The following C12orf42 variants were observed in gnomAD, a reference collection of about 807,000 sequenced individuals.
C12orf42 encodes the protein chromosome 12 open reading frame 42.
In C12orf42, 25 loss-of-function variants were observed where a neutral mutation model predicts 21.6. The ratio of observed to expected loss-of-function variants is 1.16; its 90% confidence interval spans 0.84 to 1.62. The LOEUF is 1.62. Among genes scored for constraint, C12orf42 ranks in the 40% most tolerant of loss-of-function variants. The pLI is 0.00. For missense variants in C12orf42, 483 were observed against 459.3 expected (o/e 1.05, Z -0.47); for synonymous variants, 174 against 175.0 (o/e 0.99, Z 0.05).
At chr12:103,425,165 A>G (rs1466708587) in intron 2 of C12orf42, among the ~76,000 whole-genome samples, 1 of 152,204 alleles carries the variant, frequency 6.6e-6, no homozygotes, top group Non-Finnish European at 1.5e-5. Flanking sequence ...GGAATCTCTG[A>G]AAGAAAGGCA....
At chr12:103,470,600 T>G (rs1298409657) in intron 2 of C12orf42, among the ~76,000 whole-genome samples, 65 of 152,212 alleles carry the variant, frequency 4.3e-4, no homozygotes, top group Non-Finnish European at 1.6e-4. Flanking sequence ...TGGGCAGGTT[T>G]GTGACTGCTT....
chr12:103,332,147 A>C (rs2137067347), intron 4 of C12orf42, among the ~76,000 whole-genome samples: 1 of 152,324 alleles, frequency 6.6e-6, no homozygotes, highest in East Asian at 1.9e-4. Context: ...CACAATGGGG[A>C]GTGACTGTTC....
At chr12:103,557,008 C>T in the C12orf42 span, among the ~76,000 whole-genome samples, 2 of 151,506 alleles carry the variant, frequency 1.3e-5, no homozygotes, top group African/African-American at 4.9e-5. Flanking sequence ...TGTGGCCCTG[C>T]CAACACCTTG....
intron 2 of C12orf42, among the ~76,000 whole-genome samples, chr12:103,445,595 A>C (rs1439640470): frequency 6.6e-6 from 1 of 151,642 alleles, no homozygotes; most frequent in African/African-American, 2.4e-5. Context: ...GTCCTTTCTC[A>C]TTTTCCTGTT....
At chr12:103,313,174 G>A (rs956796969) in intron 4 of C12orf42, among the ~76,000 whole-genome samples, 8 of 152,140 alleles carry the variant, frequency 5.3e-5, no homozygotes, top group African/African-American at 1.7e-4. Context: ...TTTCTCTCTA[G>A]GCACAAATGA....
chr12:103,079,146 G>A, the C12orf42 span, among the ~76,000 whole-genome samples: 1 of 152,026 alleles, frequency 6.6e-6, no homozygotes, highest in Non-Finnish European at 1.5e-5. Context: ...ATATCAAAAA[G>A]TTTAAAAATT....
the C12orf42 span, among the ~76,000 whole-genome samples, chr12:103,180,975 G>A: frequency 3.2e-4 from 48 of 152,076 alleles, no homozygotes; most frequent in African/African-American, 1.0e-3. Flanking sequence ...AAAAATTCAA[G>A]GATCTGGGTT....
the C12orf42 span, among the ~76,000 whole-genome samples, chr12:103,186,199 A>T: frequency 1.3e-5 from 2 of 152,230 alleles, no homozygotes; most frequent in African/African-American, 4.8e-5. Context: ...GAAAGCTACC[A>T]GGTCTGTTTT....
chr12:103,543,883 T>C, the C12orf42 span, among the ~76,000 whole-genome samples: 1 of 110,814 alleles, frequency 9.0e-6, no homozygotes, highest in Non-Finnish European at 1.8e-5. Context: ...TTTTTGGGTT[T>C]TTTTTTTGTT....
At chr12:103,252,754 G>T (rs1343898129) in intron 10 of C12orf42, among the ~76,000 whole-genome samples, 2 of 152,108 alleles carry the variant, frequency 1.3e-5, no homozygotes, top group African/African-American at 4.8e-5. Context: ...CAGGTAGGTT[G>T]CCTGTTCACT....
intron 4 of C12orf42, among the ~76,000 whole-genome samples, chr12:103,315,973 G>T (rs2039440074): frequency 1.4e-5 from 2 of 147,246 alleles, no homozygotes; most frequent in African/African-American, 2.5e-5. Context: ...TCACACTATA[G>T]ATATATATAT....
chr12:103,150,877 C>T, the C12orf42 span, among the ~76,000 whole-genome samples: 3 of 152,302 alleles, frequency 2.0e-5, no homozygotes, highest in South Asian at 6.2e-4. Flanking sequence ...AGAAAATTCT[C>T]ATAGATTACA....
At chr12:103,138,985 A>G in the C12orf42 span, among the ~76,000 whole-genome samples, 5 of 152,202 alleles carry the variant, frequency 3.3e-5, no homozygotes, top group African/African-American at 4.8e-5. Flanking sequence ...CGATGGTGTC[A>G]TATAAGTTTA....
chr12:103,188,662 G>A, the C12orf42 span, among the ~76,000 whole-genome samples: 10 of 152,248 alleles, frequency 6.6e-5, no homozygotes, highest in East Asian at 1.4e-3. Flanking sequence ...GTTCACATGA[G>A]AATTGATTGC....
At chr12:103,475,325 A>G (rs946009713) in intron 2 of C12orf42, among the ~76,000 whole-genome samples, 1 of 152,240 alleles carries the variant, frequency 6.6e-6, no homozygotes, top group African/African-American at 2.4e-5. Flanking sequence ...TGTTCTAGTC[A>G]AACATGCAAA....
chr12:103,230,557 C>A, the C12orf42 span, among the ~76,000 whole-genome samples: 2 of 152,170 alleles, frequency 1.3e-5, no homozygotes, highest in African/African-American at 4.8e-5. Context: ...ATCATAAGGA[C>A]TATTTTAACA....
chr12:103,206,012 C>A, the C12orf42 span, among the ~76,000 whole-genome samples: 1 of 152,244 alleles, frequency 6.6e-6, no homozygotes, highest in Non-Finnish European at 1.5e-5. Context: ...ATATTCTCTG[C>A]TGATGGTTCA....
intron 2 of C12orf42, among the ~76,000 whole-genome samples, chr12:103,460,764 G>A (rs879043951): frequency 2.6e-5 from 4 of 152,186 alleles, no homozygotes; most frequent in Middle Eastern, 3.4e-3. Flanking sequence ...CTGTAAGTTG[G>A]GAACTAAATA....
At chr12:103,282,233 T>C (rs1392640914) in intron 4 of C12orf42, among the ~76,000 whole-genome samples, 18 of 152,144 alleles carry the variant, frequency 1.2e-4, no homozygotes, top group Admixed American at 1.2e-3. Context: ...TAAATCTAAA[T>C]AATAGAACAA....
Sources: gnomAD v4.1 joint callset for allele counts (sites outside exome capture counted in the v4.1 genomes callset) on GRCh38, gnomAD v4.1.1 for gene constraint, MANE v1.5 for transcripts, NCBI Gene and HGNC (gene_info 2026-07-23, HGNC 2026-07-21) for gene names.